The following GPR39 variants were observed in gnomAD, a reference collection of about 807,000 sequenced individuals.
The protein encoded by GPR39 is zinc sensing receptor.
In GPR39, 23 loss-of-function variants were observed where a neutral mutation model predicts 18.4. The observed-to-expected ratio is 1.25, with a 90% CI of 0.90 to 1.77. The LOEUF is 1.77. Ranked by LOEUF, GPR39 falls within the 40% of genes most tolerant of loss-of-function variation. The probability of loss-of-function intolerance (pLI) is 0.00; values close to 1 mark genes in which losing one functional copy is unlikely to be tolerated. For synonymous variants in GPR39, 280 were observed against 257.9 expected (o/e 1.09, Z -0.82); for missense variants, 647 against 602.4 (o/e 1.07, Z -0.78).
intron 1 of GPR39, among the ~76,000 whole-genome samples, chr2:132,511,232 A>G (rs62169689): frequency 0.035 from 5,263 of 152,234 alleles, 201 homozygotes; most frequent in African/African-American, 0.095. Flanking sequence ...TCCAAACCAA[A>G]CCTGATATTT....
chr2:132,483,609 C>G (rs1307055507), intron 1 of GPR39, among the ~76,000 whole-genome samples: 1 of 152,210 alleles, frequency 6.6e-6, no homozygotes, highest in Non-Finnish European at 1.5e-5. Flanking sequence ...CTGGTCTTGT[C>G]TCTCAAAAGA....
chr2:132,509,433 TACAC>T (rs1679198215), intron 1 of GPR39, among the ~76,000 whole-genome samples: 1 of 79,784 alleles, frequency 1.3e-5, no homozygotes, highest in Admixed American at 1.7e-4. Context: ...AAATATCATA[TACAC>T]ACTCACACAC....
intron 1 of GPR39, among the ~76,000 whole-genome samples, chr2:132,470,362 T>C (rs1316646092): frequency 6.6e-6 from 1 of 151,906 alleles, no homozygotes; most frequent in Non-Finnish European, 1.5e-5. Context: ...CAACAAGTCT[T>C]GAGGAGGTGA....
At chr2:132,602,665 A>G (rs1270843261) in intron 1 of GPR39, among the ~76,000 whole-genome samples, 1 of 152,118 alleles carries the variant, frequency 6.6e-6, no homozygotes, top group African/African-American at 2.4e-5. Context: ...TCCAGAATCT[A>G]CAAAGAATTC....
At chr2:132,515,818 G>A (rs1363355595) in intron 1 of GPR39, among the ~76,000 whole-genome samples, 1 of 151,992 alleles carries the variant, frequency 6.6e-6, no homozygotes, top group East Asian at 1.9e-4. Flanking sequence ...GACTAAACAG[G>A]GCTTGCTAAG....
intron 1 of GPR39, among the ~76,000 whole-genome samples, chr2:132,494,911 G>C (rs553014806): frequency 6.6e-6 from 1 of 152,278 alleles, no homozygotes; most frequent in South Asian, 2.1e-4. Flanking sequence ...AATAGGACTT[G>C]TGTGGAACTG....
intron 1 of GPR39, among the ~76,000 whole-genome samples, chr2:132,572,279 A>G (rs1011354302): frequency 3.3e-5 from 5 of 152,158 alleles, no homozygotes; most frequent in Non-Finnish European, 5.9e-5. Context: ...CCAAAGTCAT[A>G]TGGGCTACCT....
At chr2:132,546,201 G>A (rs1450062660) in intron 1 of GPR39, among the ~76,000 whole-genome samples, 1 of 152,162 alleles carries the variant, frequency 6.6e-6, no homozygotes, top group African/African-American at 2.4e-5. Context: ...CACTCCCAGG[G>A]CTTGTTCAAC....
intron 1 of GPR39, among the ~76,000 whole-genome samples, chr2:132,629,631 A>C (rs1056911434): frequency 4.6e-5 from 7 of 152,214 alleles, no homozygotes; most frequent in South Asian, 2.1e-4. Flanking sequence ...ACAGGCAAGG[A>C]AACTCATCTG....
chr2:132,602,201 C>T (rs895575986), intron 1 of GPR39, among the ~76,000 whole-genome samples: 1 of 151,712 alleles, frequency 6.6e-6, no homozygotes, highest in Non-Finnish European at 1.5e-5. Context: ...ACATATAGAC[C>T]AACATAACAA....
chr2:132,607,180 T>C (rs1289540166), intron 1 of GPR39, among the ~76,000 whole-genome samples: 1 of 152,234 alleles, frequency 6.6e-6, no homozygotes, highest in Admixed American at 6.5e-5. Context: ...ATCAGCCTGC[T>C]CTGGCATATT....
At chr2:132,608,899 G>A (rs1278078764) in intron 1 of GPR39, among the ~76,000 whole-genome samples, 2 of 152,160 alleles carry the variant, frequency 1.3e-5, no homozygotes, top group Admixed American at 6.5e-5. Context: ...TGAGGATCTG[G>A]GTTTTCATGA....
chr2:132,646,251 A>C lies in GPR39; in HGVS notation c.*645A>C. On this transcript the variant is annotated 3_prime_UTR_variant, in exon 2 of 2. Coordinates refer to ENST00000329321, the MANE Select transcript of GPR39 (RefSeq NM_001508.3). ...GCAGAGGCGATGAGACAGGCCGCTG[A>C]TGATGCACAGGACTTGCGGTACATG... The C allele has an allele frequency of 1.3e-6, 2 of 1,574,044 alleles. No homozygotes were observed. Among genetic ancestry groups the C allele is most frequent in the East Asian group, 2.3e-5 (1 of 43,848 alleles).
intron 1 of GPR39, among the ~76,000 whole-genome samples, chr2:132,564,962 A>C (rs998655834): frequency 6.6e-6 from 1 of 151,148 alleles, no homozygotes; most frequent in Non-Finnish European, 1.5e-5. Context: ...GATTACAGGC[A>C]CCTGCCACCA....
chr2:132,603,716 G>A (rs1164343339), intron 1 of GPR39, among the ~76,000 whole-genome samples: 2 of 152,168 alleles, frequency 1.3e-5, no homozygotes. Context: ...GGGCGTGCGT[G>A]TGCGAAATGG....
At chr2:132,599,205 C>T (rs1046635051) in intron 1 of GPR39, among the ~76,000 whole-genome samples, 11 of 152,234 alleles carry the variant, frequency 7.2e-5, no homozygotes, top group South Asian at 4.2e-4. Context: ...AACTTTCCAG[C>T]GGGAGGTTAT....
chr2:132,568,549 T>TA (rs1680390680), intron 1 of GPR39, among the ~76,000 whole-genome samples: 1 of 151,844 alleles, frequency 6.6e-6, no homozygotes, highest in Admixed American at 6.6e-5. Flanking sequence ...CTATTAAAAA[T>TA]ACAAAAATTA....
chr2:132,622,033 C>A (rs1681450612), intron 1 of GPR39, among the ~76,000 whole-genome samples: 1 of 152,118 alleles, frequency 6.6e-6, no homozygotes, highest in Non-Finnish European at 1.5e-5. Context: ...AGAGGGTACT[C>A]CTGCTGAGGT....
At chr2:132,478,090 T>G (rs571356075) in intron 1 of GPR39, among the ~76,000 whole-genome samples, 1 of 152,312 alleles carries the variant, frequency 6.6e-6, no homozygotes, top group Non-Finnish European at 1.5e-5. Context: ...ATCTGGCTGT[T>G]CTAGAAAATC....
Sources: gnomAD v4.1 joint callset for allele counts (sites outside exome capture counted in the v4.1 genomes callset) on GRCh38, gnomAD v4.1.1 for gene constraint, MANE v1.5 for transcripts, NCBI Gene and HGNC (gene_info 2026-07-23, HGNC 2026-07-21) for gene names.